MAN2C1: variants seen among roughly 807,000 people sequenced by gnomAD.
MAN2C1 encodes the protein alpha-mannosidase 2C1.
MAN2C1 carries 111 observed loss-of-function variants against 126.9 expected under a neutral mutation model. The ratio of observed to expected loss-of-function variants is 0.87; its 90% confidence interval spans 0.75 to 1.02. The LOEUF (loss-of-function observed/expected upper bound fraction) is 1.02. Ranked by LOEUF, MAN2C1 falls within the 50% of genes least tolerant of loss-of-function variation. MAN2C1 has a pLI of 0.00. For synonymous variants in MAN2C1, 567 were observed against 561.5 expected (o/e 1.01, Z -0.14); for missense variants, 1,363 against 1,364.4 (o/e 1.00, Z 0.02).
At chr15:75,360,303 TCAC>T in intron 13 of MAN2C1, 92 bp from the exon 14 acceptor site, 1 of 1,534,248 alleles carries the variant, frequency 6.5e-7, no homozygotes, top group Non-Finnish European at 8.8e-7. Flanking sequence ...CCCTGAGGAC[TCAC>T]CAAGGGCCTC....
At position 75,364,552 on chromosome 15, in the gene MAN2C1, G is replaced by C; in HGVS notation, c.536C>G (p.Ala179Gly). ...CATGTGGACATCCCGGTGGAACACA[G>C]CTAGCTCAGCCCGGCTCAGCTGGAA... is the stretch of plus-strand genomic sequence containing the variant. ...KMFQLSRAEL[A>G]VFHRDVHMLL... is the part of the protein sequence containing the mutation. Residue 179 changes from alanine (A) to glycine (G), a missense_variant, in exon 5 of 26, where the codon GCT (alanine) becomes GGT (glycine). Coordinates refer to ENST00000267978, the MANE Select transcript of MAN2C1 (RefSeq NM_006715.4). The C allele has an allele frequency of 6.2e-7, 1 of 1,610,550 alleles. No homozygotes were observed. The highest frequency in any genetic ancestry group is 1.1e-5 in the South Asian group (1 of 90,312).
chr15:75,363,129 T>C (rs2072508462), intron 6 of MAN2C1: 2 of 452,898 alleles, frequency 4.4e-6, no homozygotes, highest in African/African-American at 2.0e-5. Flanking sequence ...GAGCCAGCTG[T>C]CCTACCAGAG....
In MAN2C1 at chr15:75,356,726, T is replaced by TG. The variant is rs765781903; in HGVS notation, c.2658-42dup. The TG allele has an allele frequency of 1.9e-6, 3 of 1,612,518 alleles. No homozygotes were observed. The highest frequency in any genetic ancestry group is 2.2e-5 in the East Asian group (1 of 44,850). On this transcript the variant is annotated intron_variant, in intron 22 of 25. Coordinates refer to ENST00000267978, the MANE Select transcript of MAN2C1 (RefSeq NM_006715.4). This position sits in a 1 kb window ranked among gnomAD's most constrained non-coding sequence, Gnocchi z 5.8. ...CGCGTAGGGGCCACGCTGAAGCTGT[T>TG]GGAGTTGTGGTCGGGAAGACCCATT...
At position 75,362,236 on chromosome 15, in the gene MAN2C1, G is replaced by A; in HGVS notation, c.1008+107C>T. 1.1e-6 allele frequency: 1 copy of A among 952,186 alleles called. No individual in the cohort carries two copies. Among genetic ancestry groups the A allele is most frequent in the Non-Finnish European group, 1.6e-6 (1 of 611,270 alleles). The allele number at this position is 952,186 out of a possible 1,614,324, so 59.0% of individuals were successfully genotyped here. A position where few individuals can be genotyped will look rare whatever the true frequency, so the allele number is the denominator to read the frequency against. ...ATGAGCCAGCCCTGCCACACAGCGG[G>A]GATGAGTGGCCCGTGGAAACTCACC... On this transcript the variant is annotated intron_variant, in intron 8 of 25. Coordinates refer to ENST00000267978, the MANE Select transcript of MAN2C1 (RefSeq NM_006715.4). This position sits in a 1 kb window ranked among gnomAD's most constrained non-coding sequence, Gnocchi z 4.5.
In MAN2C1 at chr15:75,358,606, C is replaced by T. The variant is rs146519836; in HGVS notation, c.2259G>A (p.Leu753=). 1.2e-5 allele frequency: 20 copies of T among 1,613,256 alleles called. No individual in the cohort carries two copies. The highest frequency in any genetic ancestry group is 1.6e-5 in the Non-Finnish European group (19 of 1,179,952). The change falls in exon 20 of 26, where the codon CTG becomes CTA. Residue 753 remains leucine (L), a synonymous_variant. Coordinates refer to ENST00000267978, the MANE Select transcript of MAN2C1 (RefSeq NM_006715.4). ...CCACTGCCAGGGTCCCTGCCTGGCCCAGCACAGGCTTCCTATGGGACAGGG... is the reference window on the plus strand; with the variant it reads ...CCACTGCCAGGGTCCCTGCCTGGCCTAGCACAGGCTTCCTATGGGACAGGG... The part of the protein sequence containing the change: ...DYHLETRKPV[L]GQAGTLAVGT...
At chr15:75,364,459 T>C (rs748255405) in intron 5 of MAN2C1, 29 bp downstream of exon 5, 2 of 1,542,584 alleles carry the variant, frequency 1.3e-6, no homozygotes, top group Non-Finnish European at 1.8e-6. Flanking sequence ...CTCTAGAGGG[T>C]AGCAGGGGGT....
Position 75,356,765 on chromosome 15 carries a change from T to C in MAN2C1, c.2657+28A>G. ...GGAAGACCCATTTCTCCATGCCAGC[T>C]CCCAGGCCTGGTGGGTACCCCACTT... is the stretch of plus-strand genomic sequence containing the variant. On this transcript the variant is annotated intron_variant, in intron 22 of 25. Transcript: ENST00000267978. This position sits in a 1 kb window ranked among gnomAD's most constrained non-coding sequence, Gnocchi z 5.8. 1 of 1,613,218 alleles carries C rather than the reference T, an allele frequency of 6.2e-7. No individual in the cohort carries two copies. Among genetic ancestry groups the C allele is most frequent in the Non-Finnish European group, 8.5e-7 (1 of 1,179,342 alleles).
At chr15:75,364,408 C>T (rs1257191609) in intron 5 of MAN2C1, 80 bp downstream of exon 5, 1 of 1,423,024 alleles carries the variant, frequency 7.0e-7, no homozygotes, top group East Asian at 2.5e-5. Context: ...TTCCCAGAGT[C>T]CCATTTATCT....
At chr15:75,368,232 G>A in intron 1 of MAN2C1, 34 bp from the exon 2 acceptor site, 3 of 1,572,728 alleles carry the variant, frequency 1.9e-6, no homozygotes, top group Non-Finnish European at 2.6e-6. Context: ...ACATGCTGGA[G>A]GCCGCCCCGT....
chr15:75,360,515 G>T (rs943097925), intron 13 of MAN2C1, 50 bp downstream of exon 13: 2 of 1,603,058 alleles, frequency 1.2e-6, no homozygotes, highest in African/African-American at 1.3e-5. Flanking sequence ...CTGACCCTCT[G>T]CAGATCAAGG....
intron 12 of MAN2C1, 55 bp downstream of exon 12, chr15:75,360,991 G>C: frequency 6.4e-7 from 1 of 1,563,354 alleles, no homozygotes; most frequent in Non-Finnish European, 8.7e-7. Context: ...GGGAAGGCAG[G>C]GCTCATGGCA....
chr15:75,367,491 C>T lies in MAN2C1; in HGVS notation c.351+20G>A. 1.2e-6 allele frequency: 2 copies of T among 1,612,768 alleles called. No homozygotes were observed. The highest frequency in any genetic ancestry group is 1.7e-6 in the Non-Finnish European group (2 of 1,179,204). ...GGGCTGAAATGTGGCCATACCTGGC[C>T]CTAGGACAGGGTTCCTCACCTGGAC... On this transcript the variant is annotated intron_variant, in intron 3 of 25. Transcript: ENST00000267978.
chr15:75,360,429 C>A, intron 13 of MAN2C1, 136 bp downstream of exon 13: 1 of 1,392,850 alleles, frequency 7.2e-7, no homozygotes, highest in East Asian at 2.5e-5. Context: ...TCTTGACCAA[C>A]CCAGGTCTTG....
At chr15:75,368,390 G>T in intron 1 of MAN2C1, 93 bp downstream of exon 1, 2 of 1,428,054 alleles carry the variant, frequency 1.4e-6, no homozygotes, top group Non-Finnish European at 9.5e-7. Context: ...TTTGTCCCGC[G>T]GCCCGGGTGG....
chr15:75,366,863 G>A (rs1257742063), intron 3 of MAN2C1, among the ~76,000 whole-genome samples: 2 of 152,226 alleles, frequency 1.3e-5, no homozygotes, highest in East Asian at 1.9e-4. Context: ...TAGGCAGCCT[G>A]AGTGTGGATT....
chr15:75,359,816 G>C (rs1403000152), intron 15 of MAN2C1, 41 bp from the exon 16 acceptor site: 2 of 1,613,226 alleles, frequency 1.2e-6, no homozygotes, highest in Non-Finnish European at 1.7e-6. Context: ...CAACAGGTCT[G>C]GAATGTGCCC....
In MAN2C1 at chr15:75,359,604, T is replaced by C. The variant is rs758855045; in HGVS notation, c.1948+16A>G. The C allele has an allele frequency of 1.2e-6, 2 of 1,612,730 alleles. No homozygotes were observed. Among genetic ancestry groups the C allele is most frequent in the Non-Finnish European group, 1.7e-6 (2 of 1,179,498 alleles). ...TCCTTCCTGCTGCAGTAGCAACCCT[T>C]CCCCTCAGCTCGTACCTAGGCTGTG... On this transcript the variant is annotated intron_variant, in intron 16 of 25. Coordinates refer to ENST00000267978, the MANE Select transcript of MAN2C1 (RefSeq NM_006715.4).
Position 75,362,459 on chromosome 15 carries a change from G to A in MAN2C1, c.898-6C>T, listed in dbSNP as rs769156022. Reference sequence around the variant, plus strand: ...ACCCATTCCAGCTGCTGCGCCTGTGGGCAGGTTGAAGGGAGCTGGGACCAG... The same window carrying A: ...ACCCATTCCAGCTGCTGCGCCTGTGAGCAGGTTGAAGGGAGCTGGGACCAG... On this transcript the variant is annotated splice_polypyrimidine_tract_variant and splice_region_variant and intron_variant, in intron 7 of 25. Transcript: ENST00000267978. The surrounding 1 kb of genome is among the most constrained non-coding windows in gnomAD (Gnocchi z 4.5). 1.9e-6 allele frequency: 3 copies of A among 1,601,954 alleles called. No individual in the cohort carries two copies. The highest frequency in any genetic ancestry group is 1.7e-5 in the Admixed American group (1 of 58,214).
In MAN2C1 at chr15:75,360,073, G is replaced by A. The variant is rs201560321; in HGVS notation, c.1706+17C>T. 3.1e-6 allele frequency: 5 copies of A among 1,614,036 alleles called. No individual in the cohort carries two copies. The highest frequency in any genetic ancestry group is 4.5e-5 in the East Asian group (2 of 44,882). On this transcript the variant is annotated intron_variant, in intron 14 of 25. Coordinates refer to ENST00000267978, the MANE Select transcript of MAN2C1 (RefSeq NM_006715.4). ...AGTGAGCAGTCAGGTGGATGGCAGGGACAGAACTGGGCTGACCTCCAGAGG... is the reference window on the plus strand; with the variant it reads ...AGTGAGCAGTCAGGTGGATGGCAGGAACAGAACTGGGCTGACCTCCAGAGG...
Sources: gnomAD v4.1 joint callset for allele counts (sites outside exome capture counted in the v4.1 genomes callset) on GRCh38, gnomAD v4.1.1 for gene constraint, Gnocchi (gnomAD v3.1) non-coding constraint, MANE v1.5 for transcripts, NCBI Gene and HGNC (gene_info 2026-07-23, HGNC 2026-07-21) for gene names.